The following DGLUCY variants were observed in gnomAD, a reference collection of about 807,000 sequenced individuals.
The protein encoded by DGLUCY is D-glutamate cyclase, also known as D-glutamate cyclase, mitochondrial.
DGLUCY carries 58 observed loss-of-function variants against 58.5 expected under a neutral mutation model. That is an observed-to-expected ratio of 0.99 (90% CI 0.80 to 1.23). DGLUCY has a LOEUF of 1.23. DGLUCY is among the 50% of genes most tolerant of loss of function. The probability of loss-of-function intolerance (pLI) is 0.00; values close to 1 mark genes in which losing one functional copy is unlikely to be tolerated. For synonymous variants in DGLUCY, 325 were observed against 314.1 expected, an observed-to-expected ratio of 1.03 and a Z score of -0.37; for missense variants, 779 against 784.7, an observed-to-expected ratio of 0.99 and a Z score of 0.09.
Position 91,181,288 on chromosome 14 carries a change from A to T in DGLUCY, c.833A>T (p.Glu278Val). The change falls in exon 8 of 14, where the codon GAG (glutamate) becomes GTG (valine). Residue 278 changes from glutamate (E) to valine (V), a missense_variant. Coordinates refer to ENST00000256324, the MANE Select transcript of DGLUCY (RefSeq NM_001102368.3). ...PGCLTPERIP[E>V]VHHISQDPLH... ...TGTCTCACCCCAGAGAGAATTCCAG[A>T]GGTCCATCACATTTCCCAAGATCCT... The T allele has an allele frequency of 6.2e-7, 1 of 1,614,170 alleles. No individual in the cohort carries two copies. The highest frequency in any genetic ancestry group is 8.5e-7 in the Non-Finnish European group (1 of 1,180,008).
intron 11 of DGLUCY, among the ~76,000 whole-genome samples, chr14:91,202,988 C>A (rs918966635): frequency 6.6e-6 from 1 of 152,322 alleles, no homozygotes; most frequent in Non-Finnish European, 1.5e-5. Flanking sequence ...TGGGCAACTG[C>A]CATGTCATGG....
In DGLUCY at chr14:91,153,252, G is replaced by A. The variant is rs577273435; in HGVS notation, c.-81-4387G>A. Among the ~76,000 whole-genome samples the A allele has an allele frequency of 6.6e-5, 10 of 152,156 alleles. No individual in the cohort carries two copies. The East Asian group carries it at 7.7e-4, about 12-fold the overall frequency. On this transcript the variant is annotated intron_variant, in intron 1 of 13. Transcript: ENST00000256324. ...GGCTGGAGTGCAGTGGCGAAATCTCGGCTCACTGCAACCTCTGCCTCCCTG... is the reference window on the plus strand; with the variant it reads ...GGCTGGAGTGCAGTGGCGAAATCTCAGCTCACTGCAACCTCTGCCTCCCTG...
intron 1 of DGLUCY, chr14:91,060,844 G>C (rs936102659): frequency 6.4e-6 from 1 of 156,966 alleles, no homozygotes; most frequent in African/African-American, 2.4e-5. Context: ...TGCTTGGCGG[G>C]GAGGCAGGAG....
chr14:91,160,504 C>A, intron 3 of DGLUCY, 107 bp downstream of exon 3: 1 of 759,098 alleles, frequency 1.3e-6, no homozygotes, highest in South Asian at 1.8e-5. Context: ...CTAGATTCTG[C>A]ATAGGAAACA....
At chr14:91,210,111 T>G (rs148696755) in intron 12 of DGLUCY, among the ~76,000 whole-genome samples, 111 of 149,910 alleles carry the variant, frequency 7.4e-4, no homozygotes, top group African/African-American at 2.7e-3. Flanking sequence ...TGAAACCCCA[T>G]CTCTACAAAA....
chr14:91,182,926 T>TTTTATTTTC (rs2049275629), intron 8 of DGLUCY, among the ~76,000 whole-genome samples: 1 of 149,272 alleles, frequency 6.7e-6, no homozygotes, highest in African/African-American at 2.5e-5. Flanking sequence ...ATTTTATTTT[T>TTTTATTTTC]TATTTTATTT....
chr14:91,212,668 C>T (rs1269512507), intron 12 of DGLUCY, among the ~76,000 whole-genome samples: 4 of 151,866 alleles, frequency 2.6e-5, no homozygotes, highest in African/African-American at 4.8e-5. Flanking sequence ...CGCCACTGCA[C>T]TCCAGCCTGG....
chr14:91,170,745 G>T (rs1388476798), intron 5 of DGLUCY, among the ~76,000 whole-genome samples: 1 of 152,158 alleles, frequency 6.6e-6, no homozygotes, highest in Non-Finnish European at 1.5e-5. Flanking sequence ...TTGTCAAGGT[G>T]AGTGCACTCG....
chr14:91,087,004 C>T (rs1022313494), intron 1 of DGLUCY, among the ~76,000 whole-genome samples: 3 of 152,204 alleles, frequency 2.0e-5, no homozygotes, highest in African/African-American at 7.2e-5. Flanking sequence ...AAGGACAGGA[C>T]TGACCGCAGG....
At chr14:91,098,197 C>T (rs955903253) in intron 1 of DGLUCY, among the ~76,000 whole-genome samples, 2 of 152,202 alleles carry the variant, frequency 1.3e-5, no homozygotes, top group African/African-American at 4.8e-5. Flanking sequence ...TAGCTCATGC[C>T]TATAATCCCA....
chr14:91,123,205 A>G (rs1249355335), intron 1 of DGLUCY, among the ~76,000 whole-genome samples: 1 of 152,180 alleles, frequency 6.6e-6, no homozygotes, highest in Non-Finnish European at 1.5e-5. Context: ...TTATAGGTCT[A>G]ACTTGGGTGT....
intron 1 of DGLUCY, among the ~76,000 whole-genome samples, chr14:91,132,113 A>C (rs933359245): frequency 6.6e-5 from 10 of 152,066 alleles, no homozygotes; most frequent in Non-Finnish European, 1.2e-4. Context: ...TTTTGTACCC[A>C]CTTGTCTGCA....
At chr14:91,213,701 T>TGTTTGTTTGTTG (rs1412115083) in intron 12 of DGLUCY, among the ~76,000 whole-genome samples, 1 of 151,754 alleles carries the variant, frequency 6.6e-6, no homozygotes, top group African/African-American at 2.4e-5. Context: ...ATTGTTTGTT[T>TGTTTGTTTGTTG]GTTTGTTTGT....
At chr14:91,170,228 G>A (rs761448317) in intron 5 of DGLUCY, 27 bp downstream of exon 5, 34 of 1,602,228 alleles carry the variant, frequency 2.1e-5, no homozygotes, top group Non-Finnish European at 2.8e-5. Flanking sequence ...CAGCCCACAA[G>A]GGCAGAATGG....
chr14:91,208,994 A>T lies in DGLUCY; in HGVS notation c.1564+4169A>T, dbSNP rs529814797. On this transcript the variant is annotated intron_variant, in intron 12 of 13. Coordinates refer to ENST00000256324, the MANE Select transcript of DGLUCY (RefSeq NM_001102368.3). ...GAATCATATAAAATACTCAGTTAAA[A>T]CCACAAAAGGCAGAAAAAGTGTAGA... 2.0e-5 allele frequency among the ~76,000 whole-genome samples: 3 copies of T among 152,236 alleles called. No individual in the cohort carries two copies. In the South Asian group the frequency reaches 6.2e-4, roughly 32 times the overall value.
intron 1 of DGLUCY, among the ~76,000 whole-genome samples, chr14:91,096,157 G>A (rs906973173): frequency 2.6e-5 from 4 of 152,150 alleles, no homozygotes; most frequent in Admixed American, 6.6e-5. Context: ...GGGAGGCTGG[G>A]CGCGGTGGCA....
chr14:91,197,259 G>T (rs1279778571), intron 10 of DGLUCY, among the ~76,000 whole-genome samples: 3 of 151,642 alleles, frequency 2.0e-5, no homozygotes, highest in Admixed American at 6.6e-5. Context: ...GAGCCACCGC[G>T]CCTGGCCGCT....
chr14:91,190,276 C>T lies in DGLUCY; in HGVS notation c.1195+1106C>T, dbSNP rs555213720. ...TGCTGGGATTACAGGCGTGAGCCAC[C>T]GCGCCCGGCCTCTGTTAGGTTCTTG... On this transcript the variant is annotated intron_variant, in intron 9 of 13. Coordinates refer to ENST00000256324, the MANE Select transcript of DGLUCY (RefSeq NM_001102368.3). Among the ~76,000 whole-genome samples the T allele has an allele frequency of 9.5e-4, 144 of 152,104 alleles. 1 individual carries two copies. The highest frequency in any genetic ancestry group is 1.5e-3 in the Non-Finnish European group (105 of 68,006).
intron 1 of DGLUCY, among the ~76,000 whole-genome samples, chr14:91,099,892 G>T (rs1049155317): frequency 1.3e-5 from 2 of 151,776 alleles, no homozygotes; most frequent in Admixed American, 1.3e-4. Context: ...AAAATTAGAT[G>T]GTTTCTACAA....
Sources: gnomAD v4.1 joint callset for allele counts (sites outside exome capture counted in the v4.1 genomes callset) on GRCh38, gnomAD v4.1.1 for gene constraint, MANE v1.5 for transcripts, NCBI Gene and HGNC (gene_info 2026-07-23, HGNC 2026-07-21) for gene names.